The following SNU13 variants were observed in gnomAD, a reference collection of about 807,000 sequenced individuals.
The protein encoded by SNU13 is small nuclear ribonucleoprotein 13, also known as NHP2-like protein 1.
Under a neutral mutation model 12.4 loss-of-function variants are expected in SNU13, and 2 were observed. That is an observed-to-expected ratio of 0.16 (90% confidence interval 0.07 to 0.51). SNU13 has a LOEUF of 0.51. Ranked by LOEUF, SNU13 falls within the 20% of genes least tolerant of loss-of-function variation. SNU13 has a pLI of 0.96. For missense variants in SNU13, 66 were observed against 157.8 expected (o/e 0.42, Z 3.12); for synonymous variants, 68 against 66.5 (o/e 1.02, Z -0.11).
chr22:41,676,283 C>T (rs1055963262), intron 2 of SNU13, among the ~76,000 whole-genome samples: 3 of 152,130 alleles, frequency 2.0e-5, no homozygotes, highest in African/African-American at 4.8e-5. Context: ...GTTTCAGATG[C>T]GTACTCTCCT....
chr22:41,682,673 CTCT>C (rs930578686), intron 1 of SNU13: 2 of 785,884 alleles, frequency 2.5e-6, no homozygotes, highest in African/African-American at 1.8e-5. Context: ...TATTATTTTT[CTCT>C]TCCTCATACA....
intron 1 of SNU13, chr22:41,681,535 A>T (rs2147137263): frequency 6.6e-6 from 1 of 152,356 alleles, no homozygotes; most frequent in African/African-American, 2.4e-5. Flanking sequence ...GAAGATGAGA[A>T]GTACCTCTTG....
rs1002468306 is a variant in SNU13 at position 41,680,477 on chromosome 22, C to A, written c.4-113G>T. ...AGGGGGCAGCTGCCCTGCTCCCTAA[C>A]CCTCAAACACACAAAACACCAGGTA... is the stretch of plus-strand genomic sequence containing the variant. On this transcript the variant is annotated intron_variant, in intron 1 of 2. Coordinates refer to ENST00000401959, the MANE Select transcript of SNU13 (RefSeq NM_001003796.2). 5.4e-6 allele frequency: 6 copies of A among 1,107,128 alleles called. No homozygotes were observed. The African/African-American group carries it at 9.5e-5, about 18-fold the overall frequency. The allele number at this position is 1,107,128 out of a possible 1,614,324, so 68.6% of individuals were successfully genotyped here.
chr22:41,676,026 G>A (rs181002762), intron 2 of SNU13, among the ~76,000 whole-genome samples: 1 of 152,170 alleles, frequency 6.6e-6, no homozygotes, highest in East Asian at 1.9e-4. Context: ...CACCACGCCT[G>A]GCCCTGACCA....
intron 1 of SNU13, chr22:41,682,542 T>C (rs2068274162): frequency 6.7e-6 from 10 of 1,486,160 alleles, no homozygotes; most frequent in Middle Eastern, 1.9e-4. Flanking sequence ...CCCTGTCTTC[T>C]ACGTAACTCC....
intron 1 of SNU13, among the ~76,000 whole-genome samples, chr22:41,688,532 C>T (rs888431452): frequency 8.5e-5 from 13 of 152,344 alleles, no homozygotes; most frequent in Middle Eastern, 3.4e-3. Flanking sequence ...CCCCTCCGCT[C>T]GCTGCAGGCC....
intron 1 of SNU13, among the ~76,000 whole-genome samples, chr22:41,686,713 G>A (rs771785976): frequency 1.8e-4 from 28 of 151,372 alleles, no homozygotes; most frequent in Admixed American, 1.1e-3. Context: ...TGCAAACACC[G>A]CCTCCCCGGT....
At chr22:41,688,988 C>T, upstream of SNU13, 2 of 1,323,544 alleles carry the variant, frequency 1.5e-6, no homozygotes, top group Non-Finnish European at 9.7e-7. Context: ...GGCCCTGTGT[C>T]GAAGAAGGAA....
rs757564562 is a variant in SNU13, at chr22:41,682,392, G to A, written c.4-2028C>T. 3.7e-6 allele frequency: 6 copies of A among 1,613,804 alleles called. No homozygotes were observed. The African/African-American group carries it at 4.0e-5, about 11-fold the overall frequency. On this transcript the variant is annotated intron_variant, in intron 1 of 2. Transcript: ENST00000401959. ...TCTTGGTAGTCTCTTGCCGGACACC[G>A]CGAGGATACCACGCGTGTCGGTTTG... is the stretch of plus-strand genomic sequence containing the variant.
At chr22:41,682,470 AGGAAGTGACGCCACTGCCGCCAGC>A (rs1224205142) in intron 1 of SNU13, 14 of 1,595,980 alleles carry the variant, frequency 8.8e-6, no homozygotes, top group South Asian at 5.6e-5. Context: ...CCCCAAGAGC[AGGAAGTGACGCCACTGCCGCCAGC>A]GGAAGTGACG....
At chr22:41,682,312 C>T (rs2068270502) in intron 1 of SNU13, 1 of 1,585,678 alleles carries the variant, frequency 6.3e-7, no homozygotes, top group Non-Finnish European at 8.7e-7. Flanking sequence ...CACCACAGCT[C>T]TCGGGAGGTG....
intron 1 of SNU13, chr22:41,681,375 AAATTTT>A (rs1172130500): frequency 6.6e-6 from 1 of 152,218 alleles, no homozygotes; most frequent in Non-Finnish European, 1.5e-5. Context: ...AGCTTGCTTT[AAATTTT>A]ATTTTTCAAA....
chr22:41,676,121 C>G (rs545941811), intron 2 of SNU13, among the ~76,000 whole-genome samples: 1 of 152,236 alleles, frequency 6.6e-6, no homozygotes, highest in African/African-American at 2.4e-5. Flanking sequence ...AAACCCCCAC[C>G]AGCAAGTAGT....
At chr22:41,677,541 AAAT>A (rs971696562) in intron 2 of SNU13, among the ~76,000 whole-genome samples, 1 of 152,068 alleles carries the variant, frequency 6.6e-6, no homozygotes, top group Non-Finnish European at 1.5e-5. Context: ...AAAGTAAAAT[AAAT>A]AATAATAATA....
intron 1 of SNU13, chr22:41,687,732 G>A (rs1192811323): frequency 6.6e-6 from 1 of 152,206 alleles, no homozygotes; most frequent in Non-Finnish European, 1.5e-5. Context: ...TCTGTACCAA[G>A]CATCAGGACT....
chr22:41,681,099 T>G (rs1019294398), intron 1 of SNU13: 1 of 152,232 alleles, frequency 6.6e-6, no homozygotes, highest in Non-Finnish European at 1.5e-5. Context: ...CCCCACTCCA[T>G]ATGCGTATCT....
upstream of SNU13, chr22:41,688,929 A>G: frequency 7.0e-7 from 1 of 1,433,512 alleles, no homozygotes; most frequent in Non-Finnish European, 9.2e-7. Context: ...AGGTGACGCT[A>G]CGCGAGCGAG....
rs998209399 is a variant in SNU13 at position 41,682,525 on chromosome 22, C to T, written c.4-2161G>A. 4.6e-6 allele frequency: 7 copies of T among 1,517,964 alleles called. No individual in the cohort carries two copies. The African/African-American group carries it at 5.5e-5, about 12-fold the overall frequency. The allele number at this position is 1,517,964 out of a possible 1,614,324, so 94.0% of individuals were successfully genotyped here. A position where few individuals can be genotyped will look rare whatever the true frequency, so the allele number is the denominator to read the frequency against. On this transcript the variant is annotated intron_variant, in intron 1 of 2. Transcript: ENST00000401959. ...TGACGTCCAGGGCCAGCCCGTACAC[C>T]AGGACGCCCTGTCTTCTACGTAACT...
chr22:41,675,735 T>A (rs1368903656), intron 2 of SNU13, among the ~76,000 whole-genome samples: 1 of 149,528 alleles, frequency 6.7e-6, no homozygotes, highest in Non-Finnish European at 1.5e-5. Flanking sequence ...TCTGACAACT[T>A]TTTTCTTTCT....
Sources: allele counts gnomAD v4.1 joint callset (sites outside exome capture counted in the v4.1 genomes callset), GRCh38; gene constraint gnomAD v4.1.1; transcripts MANE v1.5; gene names NCBI Gene and HGNC (gene_info 2026-07-23, HGNC 2026-07-21).